CSMD1: variants seen among roughly 807,000 people sequenced by gnomAD.
The protein encoded by CSMD1 is CUB and Sushi multiple domains 1, also known as CUB and sushi domain-containing protein 1.
In CSMD1, 213 loss-of-function variants were observed where a neutral mutation model predicts 417.5. That is an observed-to-expected ratio of 0.51 (90% CI 0.46 to 0.57). CSMD1 has a LOEUF of 0.57. Among genes scored for constraint, CSMD1 ranks in the 20% least tolerant of loss-of-function variants. The probability of loss-of-function intolerance (pLI) is 0.00; values close to 1 mark genes in which losing one functional copy is unlikely to be tolerated. For missense variants in CSMD1, 6,923 were observed against 4,529.7 expected (o/e 1.53, Z -15.17); for synonymous variants, 2,862 against 1,736.8 (o/e 1.65, Z -16.11).
At chr8:2,957,613 T>G in intron 63 of CSMD1, 83 bp downstream of exon 63, 1 of 923,930 alleles carries the variant, frequency 1.1e-6, no homozygotes. Context: ...CAATTTCTCA[T>G]TATTTCCCTT....
intron 3 of CSMD1, among the ~76,000 whole-genome samples, chr8:4,048,346 T>A (rs781655142): frequency 5.9e-5 from 9 of 152,180 alleles, no homozygotes; most frequent in Non-Finnish European, 5.9e-5. Context: ...TAACTTATTT[T>A]AACCATATTC....
At chr8:3,026,199 G>T (rs1349030102) in intron 51 of CSMD1, among the ~76,000 whole-genome samples, 1 of 152,190 alleles carries the variant, frequency 6.6e-6, no homozygotes, top group Non-Finnish European at 1.5e-5. Context: ...GCCTGGTGGG[G>T]TGGGGGACAG....
chr8:3,695,024 G>C (rs1224295022), intron 7 of CSMD1, among the ~76,000 whole-genome samples: 2 of 151,762 alleles, frequency 1.3e-5, no homozygotes, highest in Admixed American at 1.3e-4. Context: ...AGACATGAAA[G>C]GGAATTTGGA....
chr8:4,825,693 A>T (rs1463247407), intron 1 of CSMD1, among the ~76,000 whole-genome samples: 3 of 149,828 alleles, frequency 2.0e-5, no homozygotes, highest in Non-Finnish European at 4.5e-5. Context: ...GGCAACCTAC[A>T]GAATGGGAGA....
In CSMD1 at chr8:3,984,470, TA is replaced by T. The variant is rs1814155126; in HGVS notation, c.818+13432del. On this transcript the variant is annotated intron_variant, in intron 5 of 69. Coordinates refer to ENST00000635120, the MANE Select transcript of CSMD1 (RefSeq NM_033225.6). ...CACATTGATATATGTTTCTATAAGG[TA>T]AAGCAGCATTAAATAATGACTAGCT... Among the ~76,000 whole-genome samples the T allele has an allele frequency of 1.3e-5, 2 of 151,960 alleles. 1 individual carries two copies. Among genetic ancestry groups the T allele is most frequent in the African/African-American group, 4.8e-5 (2 of 41,366 alleles).
chr8:4,004,177 G>T (rs966364232), intron 4 of CSMD1, among the ~76,000 whole-genome samples: 3 of 151,980 alleles, frequency 2.0e-5, no homozygotes, highest in Middle Eastern at 3.3e-3. Context: ...TATAATTGTG[G>T]TATTATAGTA....
chr8:3,736,120 A>C (rs60828349), intron 6 of CSMD1, among the ~76,000 whole-genome samples: 12,766 of 152,258 alleles, frequency 0.084, 686 homozygotes, highest in East Asian at 0.17. Flanking sequence ...GTTTACATAC[A>C]TTAAATCTTT....
At chr8:4,961,878 A>G (rs1809513072) in intron 1 of CSMD1, among the ~76,000 whole-genome samples, 1 of 126,518 alleles carries the variant, frequency 7.9e-6, no homozygotes, top group South Asian at 2.9e-4. Flanking sequence ...ATCATTTTCT[A>G]ACACGTGCAA....
At chr8:4,916,898 G>C (rs913361967) in intron 1 of CSMD1, among the ~76,000 whole-genome samples, 1 of 152,216 alleles carries the variant, frequency 6.6e-6, no homozygotes, top group Non-Finnish European at 1.5e-5. Context: ...TACAGTTTTT[G>C]ACTGGTGATG....
chr8:3,829,010 T>C (rs1227215541), intron 5 of CSMD1, among the ~76,000 whole-genome samples: 2 of 152,032 alleles, frequency 1.3e-5, no homozygotes, highest in African/African-American at 4.8e-5. Flanking sequence ...CTGTCTACAA[T>C]CACCTTTCTT....
chr8:4,935,879 C>T (rs112715600), intron 1 of CSMD1, among the ~76,000 whole-genome samples: 1 of 152,194 alleles, frequency 6.6e-6, no homozygotes, highest in Non-Finnish European at 1.5e-5. Context: ...AGAACTCATG[C>T]AATTTCTGGG....
In CSMD1 at chr8:3,723,556, T is replaced by A. The variant is rs1274441764; in HGVS notation, c.932-15065A>T. 2.0e-5 allele frequency among the ~76,000 whole-genome samples: 3 copies of A among 152,220 alleles called. No homozygotes were observed. The East Asian group carries it at 5.8e-4, about 29-fold the overall frequency. On this transcript the variant is annotated intron_variant, in intron 6 of 69. Coordinates refer to ENST00000635120, the MANE Select transcript of CSMD1 (RefSeq NM_033225.6). The stretch of plus-strand genomic sequence containing the variant: ...TTAAAAATGAACAGTCAGCTATTGT[T>A]ACCTAAACAATTATTAGATAGTCTT...
chr8:4,272,314 A>C (rs1260314699), intron 3 of CSMD1, among the ~76,000 whole-genome samples: 1 of 152,188 alleles, frequency 6.6e-6, no homozygotes, highest in Non-Finnish European at 1.5e-5. Context: ...TGCCAATGTC[A>C]TAACAAAACT....
chr8:3,870,166 G>C (rs185024538), intron 5 of CSMD1, among the ~76,000 whole-genome samples: 6 of 152,062 alleles, frequency 3.9e-5, no homozygotes, highest in African/African-American at 1.4e-4. Flanking sequence ...TTTGAATCTT[G>C]GTTAAAGAGG....
At chr8:4,724,823 A>G (rs1809316642) in intron 1 of CSMD1, among the ~76,000 whole-genome samples, 1 of 152,120 alleles carries the variant, frequency 6.6e-6, no homozygotes, top group African/African-American at 2.4e-5. Flanking sequence ...TTCAAGTTGA[A>G]TATAGCCTGT....
At chr8:4,660,271 T>G (rs776568337) in intron 1 of CSMD1, among the ~76,000 whole-genome samples, 5 of 152,104 alleles carry the variant, frequency 3.3e-5, no homozygotes, top group Non-Finnish European at 5.9e-5. Context: ...ATTAAGTCTG[T>G]AACATGGACA....
At chr8:4,868,180 G>A (rs910584687) in intron 1 of CSMD1, among the ~76,000 whole-genome samples, 1 of 152,064 alleles carries the variant, frequency 6.6e-6, no homozygotes, top group Non-Finnish European at 1.5e-5. Context: ...ATTTACATAT[G>A]CAAACTGTTT....
chr8:3,343,543 G>A (rs373804304), intron 22 of CSMD1, 93 bp from the exon 23 acceptor site: 3 of 1,100,676 alleles, frequency 2.7e-6, no homozygotes, highest in Non-Finnish European at 3.9e-6. Flanking sequence ...CAAAGATGCA[G>A]TTTTAAACAA....
At chr8:4,986,492 T>A (rs1453557084) in intron 1 of CSMD1, among the ~76,000 whole-genome samples, 1 of 152,102 alleles carries the variant, frequency 6.6e-6, no homozygotes, top group Non-Finnish European at 1.5e-5. Context: ...ATTTCAAAGG[T>A]TTTTCATTCA....
Sources: gnomAD v4.1 joint callset for allele counts (sites outside exome capture counted in the v4.1 genomes callset) on GRCh38, gnomAD v4.1.1 for gene constraint, MANE v1.5 for transcripts, NCBI Gene and HGNC (gene_info 2026-07-23, HGNC 2026-07-21) for gene names.